The following MYO16 variants were observed in gnomAD, a reference collection of about 807,000 sequenced individuals.
MYO16 encodes the protein unconventional myosin-XVI.
Under a neutral mutation model 205.3 loss-of-function variants are expected in MYO16, and 94 were observed. That is an observed-to-expected ratio of 0.46 (90% CI 0.39 to 0.54). The LOEUF is 0.54. Ranked by LOEUF, MYO16 falls within the 20% of genes least tolerant of loss-of-function variation. The probability of loss-of-function intolerance (pLI) is 0.00; values close to 1 mark genes in which losing one functional copy is unlikely to be tolerated. For missense variants in MYO16, 2,315 were observed against 2,387.5 expected (o/e 0.97, Z 0.63); for synonymous variants, 988 against 954.0 (o/e 1.04, Z -0.66).
At chr13:109,023,670 A>AATATATGTATATATACATATATGTGT in intron 23 of MYO16, among the ~76,000 whole-genome samples, 1 of 64,886 alleles carries the variant, frequency 1.5e-5, no homozygotes, top group Admixed American at 1.8e-4. Flanking sequence ...TATATATGCA[A>AATATATGTATATATACATATATGTGT]ATATATGTAT....
At chr13:109,022,291 AAT>A (rs1886065937) in intron 23 of MYO16, among the ~76,000 whole-genome samples, 1 of 108,278 alleles carries the variant, frequency 9.2e-6, no homozygotes, top group Non-Finnish European at 1.7e-5. Context: ...ATACAAATAT[AAT>A]ATACAAATAT....
At chr13:108,764,470 A>G (rs72668516) in intron 4 of MYO16, among the ~76,000 whole-genome samples, 26,754 of 152,112 alleles carry the variant, frequency 0.18, 2,624 homozygotes, top group Middle Eastern at 0.22. Context: ...CTATTGAAGA[A>G]TAATTAAATG....
At chr13:108,952,849 A>C (rs1283272661) in intron 16 of MYO16, among the ~76,000 whole-genome samples, 2 of 152,218 alleles carry the variant, frequency 1.3e-5, no homozygotes, top group Non-Finnish European at 2.9e-5. Flanking sequence ...TAGAAGAATA[A>C]TATAGAAGAT....
At chr13:108,981,526 C>A (rs1045811211) in intron 20 of MYO16, among the ~76,000 whole-genome samples, 1 of 152,230 alleles carries the variant, frequency 6.6e-6, no homozygotes, top group South Asian at 2.1e-4. Flanking sequence ...GTGCCAATTC[C>A]GAAGCCTTGC....
intron 1 of MYO16, among the ~76,000 whole-genome samples, chr13:108,657,412 T>G (rs2139415253): frequency 6.6e-6 from 1 of 152,352 alleles, no homozygotes; most frequent in Non-Finnish European, 1.5e-5. Context: ...TTTTATTACC[T>G]GTAATTTTTT....
intron 1 of MYO16, among the ~76,000 whole-genome samples, chr13:108,637,332 C>T (rs917326864): frequency 3.3e-5 from 5 of 152,086 alleles, no homozygotes; most frequent in Non-Finnish European, 4.4e-5. Flanking sequence ...GGGTACCCTT[C>T]CTTTTAGGTT....
In MYO16 at chr13:109,127,441, A is replaced by G. The variant is rs749396061; in HGVS notation, c.3942A>G (p.Pro1314=). The part of the protein sequence containing the change: ...SMDDSSSLPS[P]RKQPPPKPKR... ...ATGACAGCAGCAGCCTCCCGTCTCCACGGAAACAGCCCCCGCCCAAGCCAA... is the reference window on the plus strand; with the variant it reads ...ATGACAGCAGCAGCCTCCCGTCTCCGCGGAAACAGCCCCCGCCCAAGCCAA... Residue 1314 remains proline, a synonymous_variant, in exon 31 of 35, where the codon CCA becomes CCG. Coordinates refer to ENST00000457511, the MANE Select transcript of MYO16 (RefSeq NM_001198950.3). This position sits in a 1 kb window ranked among gnomAD's most constrained non-coding sequence, Gnocchi z 4.2. 1.2e-6 allele frequency: 2 copies of G among 1,614,004 alleles called. No homozygotes were observed. The highest frequency in any genetic ancestry group is 2.2e-5 in the South Asian group (2 of 91,072).
intron 10 of MYO16, among the ~76,000 whole-genome samples, chr13:108,849,045 A>T (rs1877676872): frequency 6.6e-6 from 1 of 152,110 alleles, no homozygotes; most frequent in Non-Finnish European, 1.5e-5. Flanking sequence ...GAATAACAAA[A>T]GGAGGGCAAA....
chr13:108,862,889 G>C lies in MYO16; in HGVS notation c.1360-3288G>C, dbSNP rs1023605230. Reference sequence around the variant, plus strand: ...TCTCTGGAGCAATTTTGATTTTTTGGTATAGAAGTCTTTCCCATATTATTA... The same window carrying C: ...TCTCTGGAGCAATTTTGATTTTTTGCTATAGAAGTCTTTCCCATATTATTA... On this transcript the variant is annotated intron_variant, in intron 11 of 34. Coordinates refer to ENST00000457511, the MANE Select transcript of MYO16 (RefSeq NM_001198950.3). 5.9e-5 allele frequency among the ~76,000 whole-genome samples: 9 copies of C among 152,054 alleles called. No homozygotes were observed. The South Asian group carries it at 8.3e-4, about 14-fold the overall frequency.
At chr13:108,542,549 A>G in the MYO16 span, among the ~76,000 whole-genome samples, 2 of 152,158 alleles carry the variant, frequency 1.3e-5, no homozygotes, top group Non-Finnish European at 1.5e-5. Context: ...CTCAAATCCT[A>G]TGGTATTTAT....
At chr13:108,630,765 A>C (rs1011560977) in intron 1 of MYO16, among the ~76,000 whole-genome samples, 1 of 152,246 alleles carries the variant, frequency 6.6e-6, no homozygotes, top group Non-Finnish European at 1.5e-5. Context: ...TTAAGGGAAC[A>C]CATGTGTTGA....
At chr13:108,534,699 A>G in the MYO16 span, among the ~76,000 whole-genome samples, 2 of 151,192 alleles carry the variant, frequency 1.3e-5, no homozygotes, top group Non-Finnish European at 2.9e-5. Flanking sequence ...ACTAATCTCT[A>G]TAGGTGAAAA....
At chr13:109,159,866 A>C (rs1397234563) in intron 32 of MYO16, among the ~76,000 whole-genome samples, 1 of 152,248 alleles carries the variant, frequency 6.6e-6, no homozygotes, top group African/African-American at 2.4e-5. Context: ...CTGGGGCCCA[A>C]GGCCAGCAGG....
chr13:109,118,610 C>T (rs1396983040), intron 28 of MYO16, among the ~76,000 whole-genome samples: 1 of 152,140 alleles, frequency 6.6e-6, no homozygotes, highest in Non-Finnish European at 1.5e-5. Context: ...TGAATTTTGT[C>T]TTTGGGAGTT....
At chr13:109,018,976 T>TGG (rs1885929184) in intron 22 of MYO16, among the ~76,000 whole-genome samples, 1 of 147,276 alleles carries the variant, frequency 6.8e-6, no homozygotes, top group Non-Finnish European at 1.5e-5. Context: ...TTTTTTTTGT[T>TGG]TTTTTTTTTT....
intron 4 of MYO16, among the ~76,000 whole-genome samples, chr13:108,763,718 TAGA>T (rs2139661851): frequency 6.6e-6 from 1 of 151,808 alleles, no homozygotes; most frequent in South Asian, 2.1e-4. Flanking sequence ...TCAGGGTCCC[TAGA>T]AGACATCCAC....
At chr13:109,031,929 A>G (rs1886558140) in intron 23 of MYO16, among the ~76,000 whole-genome samples, 1 of 152,164 alleles carries the variant, frequency 6.6e-6, no homozygotes, top group Non-Finnish European at 1.5e-5. Flanking sequence ...TGCCTCAGAT[A>G]CTGCCTAGAC....
rs1401616856 is a variant in MYO16 at position 109,023,743 on chromosome 13, A to G, written c.2796+3832A>G. ...TATGTATATATGCATATATACATAT[A>G]TACGTATATGTATACAAATATGTTT... On this transcript the variant is annotated intron_variant, in intron 23 of 34. Coordinates refer to ENST00000457511, the MANE Select transcript of MYO16 (RefSeq NM_001198950.3). Among the ~76,000 whole-genome samples the G allele has an allele frequency of 1.2e-3, 87 of 71,708 alleles. 3 individuals carry two copies. Among genetic ancestry groups the G allele is most frequent in the African/African-American group, 2.9e-3 (64 of 22,042 alleles). 47.0% of individuals were successfully genotyped at this position (71,708 alleles called of 152,430 possible). A position where few individuals can be genotyped will look rare whatever the true frequency, so the allele number is the denominator to read the frequency against.
At chr13:108,668,245 T>A (rs1881827463) in intron 2 of MYO16, among the ~76,000 whole-genome samples, 1 of 152,162 alleles carries the variant, frequency 6.6e-6, no homozygotes, top group Admixed American at 6.5e-5. Flanking sequence ...AAGCAGATGT[T>A]GTAGGTGTGA....
Sources: gnomAD v4.1 joint callset for allele counts (sites outside exome capture counted in the v4.1 genomes callset) on GRCh38, gnomAD v4.1.1 for gene constraint, Gnocchi (gnomAD v3.1) non-coding constraint, MANE v1.5 for transcripts, NCBI Gene and HGNC (gene_info 2026-07-23, HGNC 2026-07-21) for gene names.